YAF2: variants seen among roughly 807,000 people sequenced by gnomAD.
YAF2 encodes the protein YY1-associated factor 2.
A neutral mutation model predicts 20.1 loss-of-function variants in YAF2; 7 were observed. That is an observed-to-expected ratio of 0.35 (90% CI 0.20 to 0.65). The LOEUF is 0.65. YAF2 is among the 30% of genes least tolerant of loss of function. The probability of loss-of-function intolerance (pLI) is 0.69; values close to 1 mark genes in which losing one functional copy is unlikely to be tolerated. For synonymous variants in YAF2, 74 were observed against 76.0 expected, an observed-to-expected ratio of 0.97 and a Z score of 0.14; for missense variants, 151 against 219.2, an observed-to-expected ratio of 0.69 and a Z score of 1.96.
At position 42,201,819 on chromosome 12, in the gene YAF2, G is replaced by T. The variant is rs551527175; in HGVS notation, c.152+35780C>A. On this transcript the variant is annotated intron_variant, in intron 2 of 3. Transcript: ENST00000534854. ...ACTCCTGACCTCAAGTGAACCATCTGCCTTGGTCTCCCCAGATTGATGGCA... is the reference window on the plus strand; with the variant it reads ...ACTCCTGACCTCAAGTGAACCATCTTCCTTGGTCTCCCCAGATTGATGGCA... 2.6e-3 allele frequency among the ~76,000 whole-genome samples: 397 copies of T among 152,234 alleles called. 2 individuals are homozygous for T. Among genetic ancestry groups the T allele is most frequent in the African/African-American group, 9.1e-3 (377 of 41,538 alleles).
chr12:42,168,344 AATTT>A (rs1448973134), intron 2 of YAF2, among the ~76,000 whole-genome samples: 1 of 151,834 alleles, frequency 6.6e-6, no homozygotes, highest in African/African-American at 2.4e-5. Context: ...ATGCCCAGCT[AATTT>A]TTTTTGTATT....
At chr12:42,197,967 T>C (rs2066797345) in intron 2 of YAF2, among the ~76,000 whole-genome samples, 1 of 152,190 alleles carries the variant, frequency 6.6e-6, no homozygotes, top group African/African-American at 2.4e-5. Flanking sequence ...CTAGATATGG[T>C]TCTACTTTGC....
At chr12:42,223,355 CAT>C (rs1555164057) in intron 2 of YAF2, among the ~76,000 whole-genome samples, 27 of 149,942 alleles carry the variant, frequency 1.8e-4, no homozygotes, top group Admixed American at 1.3e-4. Flanking sequence ...CACACACACA[CAT>C]ATATATACAC....
chr12:42,237,399 A>T (rs2068202038), intron 2 of YAF2, 200 bp downstream of exon 2: 1 of 1,284,224 alleles, frequency 7.8e-7, no homozygotes, highest in Non-Finnish European at 9.9e-7. Context: ...AAAAAACGTT[A>T]CAGCCTCTTC....
Position 42,162,159 on chromosome 12 carries a change from C to T in YAF2, c.153-394G>A, listed in dbSNP as rs564583660. Among the ~76,000 whole-genome samples, 15 of 152,240 alleles carry T rather than the reference C, an allele frequency of 9.9e-5. No individual in the cohort carries two copies. In the South Asian group the frequency reaches 3.1e-3, roughly 32 times the overall value. ...ATCCCTCCTTCAGAGAAGGAAATAC[C>T]TGACCATTTGTGACAATGGCTATCT... is the stretch of plus-strand genomic sequence containing the variant. On this transcript the variant is annotated intron_variant, in intron 2 of 3. Transcript: ENST00000534854.
At chr12:42,205,914 C>T in intron 2 of YAF2, 1 of 398,268 alleles carries the variant, frequency 2.5e-6, no homozygotes, top group Non-Finnish European at 5.0e-6. Flanking sequence ...TTTGTAATTT[C>T]CATTTTTTTA....
At chr12:42,229,678 C>T (rs1191927770) in intron 2 of YAF2, among the ~76,000 whole-genome samples, 1 of 152,088 alleles carries the variant, frequency 6.6e-6, no homozygotes, top group Non-Finnish European at 1.5e-5. Context: ...TTATACAAAC[C>T]TAGATGGTAC....
chr12:42,165,045 A>G (rs2065879706), intron 2 of YAF2, among the ~76,000 whole-genome samples: 1 of 147,344 alleles, frequency 6.8e-6, no homozygotes, highest in Non-Finnish European at 1.5e-5. Flanking sequence ...ACAGAGTGAG[A>G]CCCTGTCTTC....
intron 2 of YAF2, chr12:42,233,111 A>T (rs2068031660): frequency 2.0e-6 from 2 of 985,452 alleles, no homozygotes; most frequent in South Asian, 9.4e-5. Context: ...TGAATATTGA[A>T]ATGGTTGATA....
chr12:42,212,461 CTT>C, intron 2 of YAF2: 1 of 447,034 alleles, frequency 2.2e-6, no homozygotes, highest in Non-Finnish European at 4.5e-6. Flanking sequence ...CTTCAAGAAA[CTT>C]ATGATTTCAT....
At chr12:42,233,225 A>G (rs1260501178) in intron 2 of YAF2, 7 of 985,242 alleles carry the variant, frequency 7.1e-6, no homozygotes, top group African/African-American at 1.7e-5. Context: ...AATAACACCT[A>G]TGAGAAACCT....
At chr12:42,236,567 A>AAC (rs10630689) in intron 2 of YAF2, among the ~76,000 whole-genome samples, 109,273 of 151,838 alleles carry the variant, frequency 0.72, 40,355 homozygotes, top group African/African-American at 0.89. Flanking sequence ...AAATTCTGTA[A>AAC]AGTGTTTTTT....
At chr12:42,161,049 G>A in intron 3 of YAF2, 1 of 503,400 alleles carries the variant, frequency 2.0e-6, no homozygotes, top group Non-Finnish European at 3.5e-6. Flanking sequence ...AACTGTGACA[G>A]CCTAGAAGTA....
rs575677583 is a variant in YAF2 at position 42,209,871 on chromosome 12, T to C, written c.152+27728A>G. The stretch of plus-strand genomic sequence containing the variant: ...TGGAGTGCAATGGCACAATCTCAGC[T>C]CACCGCAACCTCTGCCTCCTGGGTT... On this transcript the variant is annotated intron_variant, in intron 2 of 3. Transcript: ENST00000534854. Among the ~76,000 whole-genome samples, 3 of 152,310 alleles carry C rather than the reference T, an allele frequency of 2.0e-5. No individual in the cohort carries two copies. In the East Asian group the frequency reaches 5.8e-4, roughly 29 times the overall value.
intron 2 of YAF2, among the ~76,000 whole-genome samples, chr12:42,226,780 G>A (rs1374112064): frequency 6.6e-6 from 1 of 152,158 alleles, no homozygotes; most frequent in Non-Finnish European, 1.5e-5. Flanking sequence ...GCAACGCCAG[G>A]TGTCAAATAG....
At chr12:42,219,077 A>G (rs764229363) in intron 2 of YAF2, among the ~76,000 whole-genome samples, 2 of 152,220 alleles carry the variant, frequency 1.3e-5, no homozygotes, top group African/African-American at 4.8e-5. Flanking sequence ...ATGTTTTGCA[A>G]AACACCCTTA....
intron 2 of YAF2, among the ~76,000 whole-genome samples, chr12:42,236,531 C>T (rs2068161816): frequency 6.6e-6 from 1 of 151,174 alleles, no homozygotes; most frequent in African/African-American, 2.4e-5. Context: ...GTCAACCATT[C>T]CTGTCTCTAA....
chr12:42,236,503 T>C (rs2068160596), intron 2 of YAF2, among the ~76,000 whole-genome samples: 1 of 152,210 alleles, frequency 6.6e-6, no homozygotes, highest in Non-Finnish European at 1.5e-5. Flanking sequence ...CACTGAGAAA[T>C]TTTTCAGATA....
intron 2 of YAF2, among the ~76,000 whole-genome samples, chr12:42,203,715 T>C: frequency 6.6e-6 from 1 of 152,188 alleles, no homozygotes; most frequent in East Asian, 1.9e-4. Context: ...CTATCCCAAT[T>C]AAAATTTTTA....
Sources: gnomAD v4.1 joint callset for allele counts (sites outside exome capture counted in the v4.1 genomes callset) on GRCh38, gnomAD v4.1.1 for gene constraint, MANE v1.5 for transcripts, NCBI Gene and HGNC (gene_info 2026-07-23, HGNC 2026-07-21) for gene names.